Variants in TAX1BP1 observed in about 807,000 individuals in gnomAD.
TAX1BP1 encodes the protein Tax1 binding protein 1.
In TAX1BP1, 62 loss-of-function variants were observed where a neutral mutation model predicts 97.7. The ratio of observed to expected loss-of-function variants is 0.63; its 90% CI spans 0.52 to 0.78. The LOEUF (loss-of-function observed/expected upper bound fraction) is 0.78, where lower values mean the gene tolerates loss of function less well. Among genes scored for constraint, TAX1BP1 ranks in the 30% least tolerant of loss-of-function variants. TAX1BP1 has a pLI of 0.00. For missense variants in TAX1BP1, 867 were observed against 916.1 expected, an observed-to-expected ratio of 0.95 and a Z score of 0.69; for synonymous variants, 340 against 304.2, an observed-to-expected ratio of 1.12 and a Z score of -1.23.
chr7:27,793,615 C>T (rs191510326), intron 10 of TAX1BP1, among the ~76,000 whole-genome samples: 1 of 152,216 alleles, frequency 6.6e-6, no homozygotes, highest in Admixed American at 6.5e-5. Context: ...GTTCTTCATA[C>T]TCATATTATG....
At chr7:27,748,744 C>G in intron 2 of TAX1BP1, 58 bp downstream of exon 2, 1 of 1,328,490 alleles carries the variant, frequency 7.5e-7, no homozygotes, top group Non-Finnish European at 1.0e-6. Context: ...TCTTTTAAAA[C>G]AGATTGATAA....
chr7:27,779,237 A>T, intron 5 of TAX1BP1, among the ~76,000 whole-genome samples: 1 of 151,826 alleles, frequency 6.6e-6, no homozygotes, highest in Non-Finnish European at 1.5e-5. Context: ...CCATCCTCTC[A>T]CCCCAGCCTC....
Position 27,785,206 on chromosome 7 carries a change from A to G in TAX1BP1, c.656A>G (p.Glu219Gly), listed in dbSNP as rs760530027. The change falls in exon 6 of 17, where the codon GAG becomes GGG. Residue 219 changes from glutamate (E) to glycine (G), a missense_variant. By Grantham distance (98) the Glu-to-Gly change is moderately conservative. Transcript: ENST00000396319. ...CAAAGCTTAAAAATGGAAAATGAAG[A>G]GTTTAAGAAGAGGTTCAGTGATGCT... The part of the protein sequence containing the change: ...VTQSLKMENE[E>G]FKKRFSDATS... The G allele has an allele frequency of 4.3e-6, 7 of 1,612,188 alleles. No individual in the cohort carries two copies. The Admixed American group carries it at 1.0e-4, about 23-fold the overall frequency.
intron 5 of TAX1BP1, among the ~76,000 whole-genome samples, chr7:27,771,667 T>C (rs1788854814): frequency 6.6e-6 from 1 of 152,018 alleles, no homozygotes; most frequent in African/African-American, 2.4e-5. Flanking sequence ...GTGGCCTTGG[T>C]GCTCAGAAGA....
At chr7:27,792,331 C>A in intron 9 of TAX1BP1, 101 bp downstream of exon 9, 1 of 1,092,650 alleles carries the variant, frequency 9.2e-7, no homozygotes, top group Non-Finnish European at 1.3e-6. Context: ...AGATTTCTGC[C>A]TTATTTTAAA....
chr7:27,788,680 A>G (rs558755724), intron 8 of TAX1BP1, among the ~76,000 whole-genome samples: 5 of 152,158 alleles, frequency 3.3e-5, no homozygotes, highest in African/African-American at 9.6e-5. Context: ...GAATTTAACC[A>G]GGGGAACCTT....
chr7:27,794,370 A>G lies in TAX1BP1; in HGVS notation c.1458A>G (p.Lys486=), dbSNP rs1789839670. 8 of 1,613,546 alleles carry G rather than the reference A, an allele frequency of 5.0e-6. No individual in the cohort carries two copies. The highest frequency in any genetic ancestry group is 6.8e-6 in the Non-Finnish European group (8 of 1,179,674). ...CAAAGAAAACGGGGAATCAGCAGAAAGTGAATGATGCTTCAGTAAACACAG... is the reference window on the plus strand; with the variant it reads ...CAAAGAAAACGGGGAATCAGCAGAAGGTGAATGATGCTTCAGTAAACACAG... The part of the protein sequence containing the change: ...VFTKKTGNQQ[K]VNDASVNTDP... The change falls in exon 11 of 17, where the codon AAA becomes AAG. Residue 486 remains lysine, a synonymous_variant. Transcript: ENST00000396319.
At chr7:27,824,062 T>C (rs1044511787) in intron 15 of TAX1BP1, among the ~76,000 whole-genome samples, 24 of 152,212 alleles carry the variant, frequency 1.6e-4, no homozygotes, top group Admixed American at 1.2e-3. Flanking sequence ...TTGTGAATAA[T>C]GCTGCTATGA....
At chr7:27,758,231 G>A in intron 3 of TAX1BP1, 98 bp downstream of exon 3, 1 of 924,544 alleles carries the variant, frequency 1.1e-6, no homozygotes, top group African/African-American at 1.7e-5. Context: ...GTATCTCCAG[G>A]GTACCAAAGT....
chr7:27,740,612 C>T (rs1028104089), intron 1 of TAX1BP1, among the ~76,000 whole-genome samples: 4 of 152,102 alleles, frequency 2.6e-5, no homozygotes, highest in Non-Finnish European at 5.9e-5. Flanking sequence ...CGCTGGCGAC[C>T]CCCGAAGGAA....
chr7:27,805,801 A>T (rs1790314285), intron 13 of TAX1BP1, among the ~76,000 whole-genome samples: 1 of 151,996 alleles, frequency 6.6e-6, no homozygotes, highest in African/African-American at 2.4e-5. Flanking sequence ...GTGCCACTAC[A>T]CTCCAGCCTG....
chr7:27,780,549 G>A (rs1235578747), intron 5 of TAX1BP1, among the ~76,000 whole-genome samples: 1 of 152,058 alleles, frequency 6.6e-6, no homozygotes. Context: ...CATAGCATTA[G>A]GTACCTGGTT....
chr7:27,791,652 A>G (rs189882195), intron 8 of TAX1BP1, among the ~76,000 whole-genome samples: 1 of 152,180 alleles, frequency 6.6e-6, no homozygotes, highest in African/African-American at 2.4e-5. Context: ...ACTGGTAGTC[A>G]TACAAAATGA....
At chr7:27,818,981 A>G (rs190465132) in intron 15 of TAX1BP1, among the ~76,000 whole-genome samples, 1 of 152,286 alleles carries the variant, frequency 6.6e-6, no homozygotes, top group Admixed American at 6.5e-5. Context: ...ATACTTTCTT[A>G]GTTCTAGTAA....
chr7:27,828,925 TTTCATGC>T lies in TAX1BP1; in HGVS notation c.*97_*103del, dbSNP rs1340648041. The T allele has an allele frequency of 1.0e-6, 1 of 977,514 alleles. No homozygotes were observed. The highest frequency in any genetic ancestry group is 1.5e-6 in the Non-Finnish European group (1 of 672,524). The allele number at this position is 977,514 out of a possible 1,614,324, so 60.6% of individuals were successfully genotyped here. ...ACTGAGGAGACCATAGAGCGGATGC[TTTCATGC>T]ACCCTTTACTGCACTTTCTGACCAG... On this transcript the variant is annotated 3_prime_UTR_variant, in exon 17 of 17. Coordinates refer to ENST00000396319, the MANE Select transcript of TAX1BP1 (RefSeq NM_006024.7).
intron 3 of TAX1BP1, among the ~76,000 whole-genome samples, chr7:27,765,197 G>T (rs1029095456): frequency 2.0e-5 from 3 of 149,780 alleles, no homozygotes; most frequent in Admixed American, 6.7e-5. Context: ...TGTATTTTTT[G>T]TAGTGACAGG....
intron 5 of TAX1BP1, chr7:27,772,118 T>G (rs758482603): frequency 3.3e-5 from 5 of 151,692 alleles, no homozygotes; most frequent in South Asian, 2.1e-4. Flanking sequence ...CCAGGAGAGA[T>G]AGTTCCTCTT....
intron 3 of TAX1BP1, 115 bp downstream of exon 3, chr7:27,758,248 A>G: frequency 1.4e-6 from 1 of 699,294 alleles, no homozygotes; most frequent in Non-Finnish European, 2.3e-6. Flanking sequence ...AAGTTGAATT[A>G]GTTAGTGTCT....
chr7:27,748,010 G>T (rs1479027555), intron 1 of TAX1BP1, among the ~76,000 whole-genome samples: 1 of 152,090 alleles, frequency 6.6e-6, no homozygotes, highest in African/African-American at 2.4e-5. Flanking sequence ...CTAGGGAGAG[G>T]GGAAGAGATG....
Sources: allele counts gnomAD v4.1 joint callset (sites outside exome capture counted in the v4.1 genomes callset), GRCh38; gene constraint gnomAD v4.1.1; transcripts MANE v1.5; gene names NCBI Gene and HGNC (gene_info 2026-07-23, HGNC 2026-07-21).